Variants in CSPP1 observed in about 807,000 individuals in gnomAD.
CSPP1 encodes centrosome and spindle pole-associated protein 1.
In CSPP1, 126 loss-of-function variants were observed where a neutral mutation model predicts 164.4. That is an observed-to-expected ratio of 0.77 (90% CI 0.66 to 0.89). The LOEUF (loss-of-function observed/expected upper bound fraction) is 0.89. Ranked by LOEUF, CSPP1 falls within the 40% of genes least tolerant of loss-of-function variation. The probability of loss-of-function intolerance (pLI) is 0.00; values close to 1 mark genes in which losing one functional copy is unlikely to be tolerated. For synonymous variants in CSPP1, 472 were observed against 476.7 expected (o/e 0.99, Z 0.13); for missense variants, 1,395 against 1,449.8 (o/e 0.96, Z 0.61).
intron 15 of CSPP1, among the ~76,000 whole-genome samples, chr8:67,128,894 G>A (rs964183375): frequency 2.6e-5 from 4 of 152,182 alleles, no homozygotes; most frequent in Admixed American, 6.5e-5. Context: ...AGCTTGAGGT[G>A]TATTTCTTAC....
At chr8:67,115,253 AG>A (rs1817692079) in intron 12 of CSPP1, 1 of 152,298 alleles carries the variant, frequency 6.6e-6, no homozygotes, top group Non-Finnish European at 1.5e-5. Flanking sequence ...GTACATAAAA[AG>A]AATACTACAG....
intron 7 of CSPP1, among the ~76,000 whole-genome samples, chr8:67,100,094 G>T (rs1813726991): frequency 6.6e-6 from 1 of 151,800 alleles, no homozygotes; most frequent in South Asian, 2.1e-4. Flanking sequence ...ACATTTTTCG[G>T]TCTTGATCTT....
Position 67,105,908 on chromosome 8 carries a change from T to C in CSPP1, c.1026T>C (p.Ala342=). The stretch of plus-strand genomic sequence containing the variant: ...TTCTCTGTCTTTTTTTCTTTAGTGC[T>C]CCAGACAATGAAACATCCAAATCTG... ...IRISSAENKS[A]PDNETSKSAN... The change falls in exon 9 of 31, where the codon GCT becomes GCC. Residue 342 remains alanine, a synonymous_variant. Transcript: ENST00000678616. 1 of 1,552,722 alleles carries C rather than the reference T, an allele frequency of 6.4e-7. No homozygotes were observed. The highest frequency in any genetic ancestry group is 8.9e-7 in the Non-Finnish European group (1 of 1,124,358).
rs11296619 is a variant in CSPP1 at position 67,149,947 on chromosome 8, C to CTTTTTTTTTTT, written c.2128+26_2128+36dup. The CTTTTTTTTTTT allele has an allele frequency of 5.3e-6, 6 of 1,139,166 alleles. No individual in the cohort carries two copies. Among genetic ancestry groups the CTTTTTTTTTTT allele is most frequent in the East Asian group, 3.1e-5 (1 of 32,366 alleles). The allele number at this position is 1,139,166 out of a possible 1,614,324, so 70.6% of individuals were successfully genotyped here. A position where few individuals can be genotyped will look rare whatever the true frequency, so the allele number is the denominator to read the frequency against. On this transcript the variant is annotated intron_variant, in intron 18 of 30. Coordinates refer to ENST00000678616, the MANE Select transcript of CSPP1 (RefSeq NM_001382391.1). ...AAATAAAAGCTCAGGTTTTTAATCA[C>CTTTTTTTTTTT]TTTTTTTTTTTTTTTTTTTTTTTTA...
intron 29 of CSPP1, among the ~76,000 whole-genome samples, chr8:67,191,083 C>A (rs2129575281): frequency 6.6e-6 from 1 of 152,306 alleles, no homozygotes; most frequent in Middle Eastern, 3.4e-3. Flanking sequence ...TGAAAAGCTT[C>A]ATAATAACCT....
rs2129576802 is a variant in CSPP1 at position 67,196,064 on chromosome 8, TTTC to T, written c.*472_*474del. On this transcript the variant is annotated 3_prime_UTR_variant, in exon 31 of 31. Coordinates refer to ENST00000678616, the MANE Select transcript of CSPP1 (RefSeq NM_001382391.1). Reference sequence around the variant, plus strand: ...CAAATGTCCTATTAATTAATTATTATTTCATGTCATTTGTAGCTACTGATACAG... The same window carrying T: ...CAAATGTCCTATTAATTAATTATTATATGTCATTTGTAGCTACTGATACAG... 1 of 154,622 alleles carries T rather than the reference TTTC, an allele frequency of 6.5e-6. No homozygotes were observed. Among genetic ancestry groups the T allele is most frequent in the Non-Finnish European group, 1.4e-5 (1 of 69,536 alleles). 9.6% of individuals were successfully genotyped at this position (154,622 alleles called of 1,614,324 possible).
chr8:67,192,369 C>T (rs776871583), intron 29 of CSPP1, among the ~76,000 whole-genome samples: 2 of 152,176 alleles, frequency 1.3e-5, no homozygotes, highest in Non-Finnish European at 2.9e-5. Context: ...GCCACCGCGC[C>T]CAGCCCTTTG....
chr8:67,120,939 C>T (rs936609819), intron 15 of CSPP1, among the ~76,000 whole-genome samples: 14 of 151,764 alleles, frequency 9.2e-5, no homozygotes, highest in Non-Finnish European at 1.5e-4. Flanking sequence ...CTGCAACCTC[C>T]GCCTCCTGAG....
intron 3 of CSPP1, chr8:67,083,548 A>AAAAAAAAAAAAAAATATATAT (rs1332248754): frequency 1.1e-5 from 1 of 91,502 alleles, no homozygotes; most frequent in African/African-American, 4.5e-5. Context: ...AAAAAAAAAA[A>AAAAAAAAAAAAAAATATATAT]ATATATATAT....
rs918103972 is a variant in CSPP1 at position 67,183,843 on chromosome 8, A to ATTT, written c.3220+3943_3220+3945dup. On this transcript the variant is annotated intron_variant, in intron 28 of 30. Coordinates refer to ENST00000678616, the MANE Select transcript of CSPP1 (RefSeq NM_001382391.1). ...AGCCAGACTATGTAAAAAATTGGGAATTTTTTTTTTTTTTTTTTTTTTTTT... is the reference window on the plus strand; with the variant it reads ...AGCCAGACTATGTAAAAAATTGGGAATTTTTTTTTTTTTTTTTTTTTTTTTTTT... Among the ~76,000 whole-genome samples the ATTT allele has an allele frequency of 2.9e-3, 316 of 108,212 alleles. 12 individuals are homozygous for ATTT. Among genetic ancestry groups the ATTT allele is most frequent in the African/African-American group, 0.01 (253 of 25,264 alleles). The allele number at this position is 108,212 out of a possible 152,430, so 71.0% of individuals were successfully genotyped here.
At chr8:67,091,540 A>G (rs1288403738) in intron 4 of CSPP1, among the ~76,000 whole-genome samples, 7 of 152,204 alleles carry the variant, frequency 4.6e-5, no homozygotes, top group Non-Finnish European at 1.0e-4. Context: ...ATCATCTTGA[A>G]TCAATAGACG....
chr8:67,091,013 A>G (rs1425860328), intron 4 of CSPP1, among the ~76,000 whole-genome samples: 9 of 152,188 alleles, frequency 5.9e-5, no homozygotes, highest in East Asian at 5.8e-4. Context: ...TTTTTTACCA[A>G]TTGGGGATCA....
At position 67,137,277 on chromosome 8, in the gene CSPP1, T is replaced by C. The variant is rs573607814; in HGVS notation, c.1828-179T>C. On this transcript the variant is annotated intron_variant, in intron 16 of 30. Transcript: ENST00000678616. ...CACGACACCTGACCTAAAGTATTTT[T>C]ACATTGAGTATTACATATATTTGTG... Among the ~76,000 whole-genome samples the C allele has an allele frequency of 3.9e-5, 6 of 152,176 alleles. No individual in the cohort carries two copies. The South Asian group carries it at 1.2e-3, about 32-fold the overall frequency.
At chr8:67,137,670 G>A in intron 17 of CSPP1, 67 bp downstream of exon 17, 1 of 1,136,486 alleles carries the variant, frequency 8.8e-7, no homozygotes, top group South Asian at 2.3e-5. Flanking sequence ...AAAAGATTGG[G>A]GAGTAGAAAA....
At chr8:67,098,277 T>C (rs567809156) in intron 7 of CSPP1, among the ~76,000 whole-genome samples, 2 of 151,112 alleles carry the variant, frequency 1.3e-5, no homozygotes, top group South Asian at 4.2e-4. Flanking sequence ...TTCATTCTTC[T>C]AAGTTTTCTT....
At position 67,193,621 on chromosome 8, in the gene CSPP1, T is replaced by C; in HGVS notation, c.3469+19T>C. On this transcript the variant is annotated intron_variant, in intron 30 of 30. Coordinates refer to ENST00000678616, the MANE Select transcript of CSPP1 (RefSeq NM_001382391.1). ...AATACAGGTAAATGACCAAGTGTAA[T>C]GGCCTATAGTAGAATCCTGTATGAA... 1 of 1,604,324 alleles carries C rather than the reference T, an allele frequency of 6.2e-7. No homozygotes were observed. The highest frequency in any genetic ancestry group is 8.5e-7 in the Non-Finnish European group (1 of 1,172,564).
intron 16 of CSPP1, among the ~76,000 whole-genome samples, chr8:67,136,630 A>G (rs1822352234): frequency 6.6e-6 from 1 of 151,994 alleles, no homozygotes; most frequent in Non-Finnish European, 1.5e-5. Flanking sequence ...AATTCAGCAC[A>G]ATAAAATGAG....
intron 3 of CSPP1, chr8:67,084,066 T>C (rs896065896): frequency 3.9e-5 from 6 of 152,216 alleles, no homozygotes; most frequent in African/African-American, 1.2e-4. Context: ...GTTTTATATA[T>C]GATGTTCCAT....
rs550798896 is a variant in CSPP1, at chr8:67,105,884, TC to T, written c.1023-20del. On this transcript the variant is annotated intron_variant, in intron 8 of 30. Coordinates refer to ENST00000678616, the MANE Select transcript of CSPP1 (RefSeq NM_001382391.1). ...TATCTGGATTTTAATTTACTCTTTT[TC>T]TCTGTCTTTTTTTCTTTAGTGCTCC... 399 of 1,378,392 alleles carry T rather than the reference TC, an allele frequency of 2.9e-4. 2 individuals carry two copies. In the South Asian group the frequency reaches 4.5e-3, roughly 16 times the overall value. 85.4% of individuals were successfully genotyped at this position (1,378,392 alleles called of 1,614,324 possible). A position where few individuals can be genotyped will look rare whatever the true frequency, so the allele number is the denominator to read the frequency against.
Sources: allele counts gnomAD v4.1 joint callset (sites outside exome capture counted in the v4.1 genomes callset), GRCh38; gene constraint gnomAD v4.1.1; transcripts MANE v1.5; gene names NCBI Gene and HGNC (gene_info 2026-07-23, HGNC 2026-07-21).